The following EIPR1 variants were observed in gnomAD, a reference collection of about 807,000 sequenced individuals.
EIPR1 encodes EARP and GARP complex-interacting protein 1.
A neutral mutation model predicts 48.1 loss-of-function variants in EIPR1; 25 were observed. The observed-to-expected ratio is 0.52, with a 90% CI of 0.38 to 0.73. EIPR1 has a LOEUF of 0.73. Ranked by LOEUF, EIPR1 falls within the 30% of genes least tolerant of loss-of-function variation. The pLI is 0.00. For missense variants in EIPR1, 415 were observed against 506.2 expected, an observed-to-expected ratio of 0.82 and a Z score of 1.73; for synonymous variants, 204 against 201.9, an observed-to-expected ratio of 1.01 and a Z score of -0.09.
At chr2:3,355,568 G>A (rs2103377181) in intron 1 of EIPR1, among the ~76,000 whole-genome samples, 1 of 152,284 alleles carries the variant, frequency 6.6e-6, no homozygotes, top group African/African-American at 2.4e-5. Context: ...CAGCACTTTG[G>A]GAGCCTGAGG....
intron 6 of EIPR1, 153 bp from the exon 7 acceptor site, chr2:3,194,319 G>T: frequency 2.4e-6 from 2 of 839,200 alleles, no homozygotes; most frequent in Non-Finnish European, 3.6e-6. Flanking sequence ...TGCAGGAAGA[G>T]GCTGGCGCCA....
intron 4 of EIPR1, 139 bp from the exon 5 acceptor site, chr2:3,214,387 C>A: frequency 2.8e-6 from 2 of 705,646 alleles, no homozygotes; most frequent in Non-Finnish European, 4.7e-6. Context: ...TTTACACTGT[C>A]ACCCGGCAAT....
chr2:3,323,478 G>A (rs1358087650), intron 3 of EIPR1, among the ~76,000 whole-genome samples: 1 of 152,320 alleles, frequency 6.6e-6, no homozygotes, highest in South Asian at 2.1e-4. Flanking sequence ...TTTCCTCCGA[G>A]CCCTGCACGC....
intron 1 of EIPR1, among the ~76,000 whole-genome samples, chr2:3,369,503 A>C (rs531811617): frequency 1.3e-5 from 2 of 152,320 alleles, no homozygotes; most frequent in East Asian, 3.9e-4. Context: ...GTGACAGACA[A>C]CACCTGGAAA....
chr2:3,202,257 C>G (rs1225438328), intron 5 of EIPR1, among the ~76,000 whole-genome samples: 1 of 152,212 alleles, frequency 6.6e-6, no homozygotes, highest in Admixed American at 6.5e-5. Context: ...GTCTTAACTT[C>G]CACATGGACA....
In EIPR1 at chr2:3,206,688, C is replaced by T. The variant is rs539304748; in HGVS notation, c.516+7461G>A. 3.3e-5 allele frequency among the ~76,000 whole-genome samples: 5 copies of T among 152,190 alleles called. No homozygotes were observed. The South Asian group carries it at 1.0e-3, about 31-fold the overall frequency. On this transcript the variant is annotated intron_variant, in intron 5 of 8. Coordinates refer to ENST00000382125, the MANE Select transcript of EIPR1 (RefSeq NM_003310.5). ...AAACTGTGTCTTAAACCCCAAAATG[C>T]AGATGTGACCTCAGTTTTACACACT...
At position 3,192,466 on chromosome 2, in the gene EIPR1, A is replaced by G. The variant is rs1285958097; in HGVS notation, c.937T>C (p.Leu313=). ...VSISSEPFGH[L]VDDDDISDQE... The stretch of plus-strand genomic sequence containing the variant: ...TCACTGATGTCATCGTCGTCTACCA[A>G]GTGGCCGAAGGGCTCCGACGAGATG... Residue 313 remains leucine, a synonymous_variant, in exon 8 of 9, where the codon TTG becomes CTG. Coordinates refer to ENST00000382125, the MANE Select transcript of EIPR1 (RefSeq NM_003310.5). The G allele has an allele frequency of 6.2e-7, 1 of 1,612,954 alleles. No individual in the cohort carries two copies. The highest frequency in any genetic ancestry group is 8.5e-7 in the Non-Finnish European group (1 of 1,179,712).
At position 3,351,297 on chromosome 2, in the gene EIPR1, G is replaced by A. The variant is rs148335568; in HGVS notation, c.126+3253C>T. ...ATTACATGCGTGAGCGACCACACCT[G>A]GCCTCTTCTTATTTCTTCTATTTTG... On this transcript the variant is annotated intron_variant, in intron 2 of 8. Coordinates refer to ENST00000382125, the MANE Select transcript of EIPR1 (RefSeq NM_003310.5). Among the ~76,000 whole-genome samples the A allele has an allele frequency of 8.5e-5, 13 of 152,206 alleles. No individual in the cohort carries two copies. In the East Asian group the frequency reaches 1.7e-3, roughly 20 times the overall value.
At chr2:3,336,543 G>A (rs1201555987) in intron 3 of EIPR1, among the ~76,000 whole-genome samples, 6 of 152,178 alleles carry the variant, frequency 3.9e-5, no homozygotes, top group South Asian at 2.1e-4. Flanking sequence ...CAAGGCAGGC[G>A]GATCACCTGA....
intron 4 of EIPR1, among the ~76,000 whole-genome samples, chr2:3,256,796 A>G (rs1019711811): frequency 7.2e-5 from 11 of 152,220 alleles, no homozygotes; most frequent in African/African-American, 2.7e-4. Flanking sequence ...CTCCAAGCTC[A>G]TGAAGCAGCG....
intron 4 of EIPR1, among the ~76,000 whole-genome samples, chr2:3,240,925 GC>G (rs758707079): frequency 1.4e-5 from 1 of 73,178 alleles, no homozygotes; most frequent in East Asian, 5.1e-4. Context: ...CTAAAGCAAA[GC>G]CAGCAGATCC....
intron 4 of EIPR1, among the ~76,000 whole-genome samples, chr2:3,242,863 C>T (rs1666680534): frequency 1.3e-5 from 2 of 152,166 alleles, no homozygotes; most frequent in Non-Finnish European, 2.9e-5. Context: ...CTTGCAAAGC[C>T]ACAGTAAAGC....
intron 3 of EIPR1, among the ~76,000 whole-genome samples, chr2:3,260,321 T>A (rs913706751): frequency 2.7e-4 from 41 of 151,960 alleles, no homozygotes; most frequent in African/African-American, 9.9e-4. Context: ...TGAAACCCCG[T>A]CTCTACTAAA....
At chr2:3,212,716 CG>C (rs1054096458) in intron 5 of EIPR1, among the ~76,000 whole-genome samples, 28 of 152,222 alleles carry the variant, frequency 1.8e-4, no homozygotes, top group Admixed American at 1.4e-3. Flanking sequence ...GTGTGGTCCA[CG>C]GGGGTCAATC....
intron 3 of EIPR1, chr2:3,320,418 C>T (rs547969116): frequency 6.4e-6 from 1 of 155,272 alleles, no homozygotes; most frequent in East Asian, 1.9e-4. Context: ...TGCTCCAGGT[C>T]CTGCATACAA....
chr2:3,230,135 TA>T (rs1452215959), intron 4 of EIPR1, among the ~76,000 whole-genome samples: 1 of 124,102 alleles, frequency 8.1e-6, no homozygotes, highest in Non-Finnish European at 1.7e-5. Context: ...TGGTAAAAGT[TA>T]TTCCTGAAAA....
chr2:3,299,658 A>G (rs866618276), intron 3 of EIPR1, among the ~76,000 whole-genome samples: 11 of 150,264 alleles, frequency 7.3e-5, no homozygotes, highest in African/African-American at 2.7e-4. Context: ...ACACACACAC[A>G]CTTTGAGTTA....
intron 4 of EIPR1, among the ~76,000 whole-genome samples, chr2:3,234,794 A>C (rs1666349170): frequency 6.6e-6 from 1 of 152,186 alleles, no homozygotes; most frequent in African/African-American, 2.4e-5. Context: ...TACTTTGCAC[A>C]AGAGACCTGC....
intron 3 of EIPR1, among the ~76,000 whole-genome samples, chr2:3,331,257 T>C (rs71444251): frequency 0.063 from 5,427 of 85,608 alleles, 577 homozygotes; most frequent in African/African-American, 0.094. Context: ...GTGTACACAC[T>C]CATGAGATGG....
Sources: gnomAD v4.1 joint callset for allele counts (sites outside exome capture counted in the v4.1 genomes callset) on GRCh38, gnomAD v4.1.1 for gene constraint, MANE v1.5 for transcripts, NCBI Gene and HGNC (gene_info 2026-07-23, HGNC 2026-07-21) for gene names.